Variants in MAGI3 observed in about 807,000 individuals in gnomAD.
MAGI3 encodes membrane associated guanylate kinase, WW and PDZ domain containing 3, also known as membrane-associated guanylate kinase, WW and PDZ domain-containing protein 3.
Under a neutral mutation model 121.8 loss-of-function variants are expected in MAGI3, and 43 were observed. The ratio of observed to expected loss-of-function variants is 0.35; its 90% CI spans 0.28 to 0.46. The LOEUF is 0.46. MAGI3 is among the 20% of genes least tolerant of loss of function. MAGI3 has a pLI of 1.00. For synonymous variants in MAGI3, 553 were observed against 639.3 expected, an observed-to-expected ratio of 0.86 and a Z score of 2.04; for missense variants, 1,547 against 1,797.3, an observed-to-expected ratio of 0.86 and a Z score of 2.52.
chr1:113,416,278 TACAC>T lies in MAGI3; in HGVS notation c.316+24931_316+24934del, dbSNP rs1557744390. Among the ~76,000 whole-genome samples, 44 of 63,888 alleles carry T rather than the reference TACAC, an allele frequency of 6.9e-4. 10 individuals are homozygous for T. The highest frequency in any genetic ancestry group is 1.1e-3 in the Non-Finnish European group (33 of 31,002). The allele number at this position is 63,888 out of a possible 152,430, so 41.9% of individuals were successfully genotyped here. On this transcript the variant is annotated intron_variant, in intron 1 of 20. Coordinates refer to ENST00000307546, the MANE Select transcript of MAGI3 (RefSeq NM_001142782.2). ...TACACATATTAATTATGTAATTAAT[TACAC>T]ATATTAATTATGTAATTAATTATGT... is the stretch of plus-strand genomic sequence containing the variant.
At chr1:113,641,138 G>T (rs1301918183) in intron 9 of MAGI3, among the ~76,000 whole-genome samples, 1 of 51,844 alleles carries the variant, frequency 1.9e-5, no homozygotes, top group Admixed American at 1.8e-4. Context: ...TTATATATAT[G>T]ATATATAAAT....
intron 19 of MAGI3, among the ~76,000 whole-genome samples, chr1:113,676,128 A>G (rs528630738): frequency 1.3e-5 from 2 of 150,768 alleles, no homozygotes; most frequent in East Asian, 3.9e-4. Flanking sequence ...CAATGCTTCT[A>G]TTGTAAATAG....
chr1:113,538,648 G>A (rs2101651886), intron 1 of MAGI3, among the ~76,000 whole-genome samples: 1 of 152,242 alleles, frequency 6.6e-6, no homozygotes, highest in African/African-American at 2.4e-5. Context: ...GTTCTGCTAG[G>A]AAGGTCCCAT....
At chr1:113,561,388 C>G (rs1335712950) in intron 2 of MAGI3, among the ~76,000 whole-genome samples, 2 of 152,218 alleles carry the variant, frequency 1.3e-5, no homozygotes, top group African/African-American at 2.4e-5. Context: ...CAAACCGAAT[C>G]CAACAGCACA....
intron 1 of MAGI3, among the ~76,000 whole-genome samples, chr1:113,415,099 G>A (rs147446369): frequency 6.6e-6 from 1 of 152,184 alleles, no homozygotes; most frequent in Non-Finnish European, 1.5e-5. Context: ...AGAAACTAGA[G>A]CAACTTTAAA....
chr1:113,460,126 C>T (rs1654957919), intron 1 of MAGI3, among the ~76,000 whole-genome samples: 1 of 152,182 alleles, frequency 6.6e-6, no homozygotes, highest in Admixed American at 6.5e-5. Flanking sequence ...ATACACAAAT[C>T]AGTAATTGTG....
At chr1:113,504,470 T>C (rs1037223412) in intron 1 of MAGI3, among the ~76,000 whole-genome samples, 5 of 152,088 alleles carry the variant, frequency 3.3e-5, no homozygotes, top group African/African-American at 9.7e-5. Flanking sequence ...CTCAGACTTA[T>C]TAACTGTTAG....
chr1:113,657,534 A>G (rs1653546038), intron 15 of MAGI3, among the ~76,000 whole-genome samples: 1 of 152,252 alleles, frequency 6.6e-6, no homozygotes, highest in Non-Finnish European at 1.5e-5. Context: ...AGTCTGAACA[A>G]ACTCCTTTTA....
chr1:113,509,938 G>A (rs964204961), intron 1 of MAGI3, among the ~76,000 whole-genome samples: 25 of 151,410 alleles, frequency 1.7e-4, no homozygotes, highest in Non-Finnish European at 2.8e-4. Context: ...TGCCTCCAGG[G>A]CCCAGCCTCC....
Position 113,685,449 on chromosome 1 carries a change from T to TCTGA in MAGI3, c.*1439_*1442dup, listed in dbSNP as rs1397508553. 1 of 152,302 alleles carries TCTGA rather than the reference T, an allele frequency of 6.6e-6. No individual in the cohort carries two copies. Among genetic ancestry groups the TCTGA allele is most frequent in the African/African-American group, 2.4e-5 (1 of 41,424 alleles). The allele number at this position is 152,302 out of a possible 1,614,324, so 9.4% of individuals were successfully genotyped here. A position where few individuals can be genotyped will look rare whatever the true frequency, so the allele number is the denominator to read the frequency against. Reference sequence around the variant, plus strand: ...AGGTCCAGGTCCTTCCCTCTGGGAGTCTGACTGTGAAACTCTTTAACCCAA... The same window carrying TCTGA: ...AGGTCCAGGTCCTTCCCTCTGGGAGTCTGACTGACTGTGAAACTCTTTAACCCAA... On this transcript the variant is annotated 3_prime_UTR_variant, in exon 21 of 21. Coordinates refer to ENST00000307546, the MANE Select transcript of MAGI3 (RefSeq NM_001142782.2).
In MAGI3 at chr1:113,575,105, T is replaced by A. The variant is rs569941436; in HGVS notation, c.434-5437T>A. Among the ~76,000 whole-genome samples the A allele has an allele frequency of 2.0e-5, 3 of 152,306 alleles. No homozygotes were observed. In the South Asian group the frequency reaches 6.2e-4, roughly 32 times the overall value. On this transcript the variant is annotated intron_variant, in intron 2 of 20. Transcript: ENST00000307546. Reference sequence around the variant, plus strand: ...AGTTCCTGTAACCTTTTATCAATGCTCTTAGCTTCCTTGCATTGGGTTAGA... The same window carrying A: ...AGTTCCTGTAACCTTTTATCAATGCACTTAGCTTCCTTGCATTGGGTTAGA...
In MAGI3 at chr1:113,567,182, C is replaced by T. The variant is rs576375666; in HGVS notation, c.434-13360C>T. ...GTTAGATGCCCACAAATTGGATGAT[C>T]TAGAAGAAATGGATAAAGTTTTAGA... On this transcript the variant is annotated intron_variant, in intron 2 of 20. Coordinates refer to ENST00000307546, the MANE Select transcript of MAGI3 (RefSeq NM_001142782.2). 2.4e-4 allele frequency among the ~76,000 whole-genome samples: 36 copies of T among 151,652 alleles called. No homozygotes were observed. In the South Asian group the frequency reaches 7.3e-3, roughly 31 times the overall value.
At chr1:113,488,631 ATC>A (rs1487194043) in intron 1 of MAGI3, among the ~76,000 whole-genome samples, 1 of 152,202 alleles carries the variant, frequency 6.6e-6, no homozygotes, top group Admixed American at 6.5e-5. Flanking sequence ...GCTGGCATGT[ATC>A]TGTGTGGGTG....
chr1:113,623,078 G>C, intron 9 of MAGI3, 84 bp downstream of exon 9: 1 of 825,404 alleles, frequency 1.2e-6, no homozygotes, highest in Non-Finnish European at 1.7e-6. Flanking sequence ...CATAAAGAGA[G>C]AGAAATAATT....
intron 11 of MAGI3, among the ~76,000 whole-genome samples, chr1:113,644,342 G>A (rs2636002): frequency 0.75 from 113,761 of 151,738 alleles, 43,392 homozygotes; most frequent in African/African-American, 0.85. Flanking sequence ...GTGCAGTGGC[G>A]CTATCTCGGC....
intron 1 of MAGI3, among the ~76,000 whole-genome samples, chr1:113,425,273 ATTTTTTT>A (rs949045641): frequency 9.2e-5 from 8 of 86,896 alleles, no homozygotes; most frequent in Non-Finnish European, 1.6e-4. Flanking sequence ...TACAAATTCA[ATTTTTTT>A]TTTTTTTTTT....
chr1:113,654,159 T>C (rs1254014302), intron 15 of MAGI3, 141 bp downstream of exon 15: 1 of 644,938 alleles, frequency 1.6e-6, no homozygotes, highest in Non-Finnish European at 2.5e-6. Context: ...ACTTTCCTTA[T>C]TTTCAAAATT....
chr1:113,450,282 A>G, intron 1 of MAGI3: 1 of 1,593,666 alleles, frequency 6.3e-7, no homozygotes, highest in Non-Finnish European at 8.6e-7. Flanking sequence ...GAGGTCGTGG[A>G]GGTGGATCTG....
intron 19 of MAGI3, among the ~76,000 whole-genome samples, chr1:113,676,225 C>T (rs188073756): frequency 1.3e-5 from 2 of 152,298 alleles, no homozygotes; most frequent in Admixed American, 1.3e-4. Context: ...CCACTAATCT[C>T]AGTAAACCAA....
Sources: gnomAD v4.1 joint callset for allele counts (sites outside exome capture counted in the v4.1 genomes callset) on GRCh38, gnomAD v4.1.1 for gene constraint, MANE v1.5 for transcripts, NCBI Gene and HGNC (gene_info 2026-07-23, HGNC 2026-07-21) for gene names.